The following FBXL20 variants were observed in gnomAD, a reference collection of about 807,000 sequenced individuals.
The protein encoded by FBXL20 is F-box/LRR-repeat protein 20.
A neutral mutation model predicts 64.0 loss-of-function variants in FBXL20; 11 were observed. That is an observed-to-expected ratio of 0.17 (90% confidence interval 0.11 to 0.28). FBXL20 has a LOEUF of 0.28. FBXL20 is among the 10% of genes least tolerant of loss of function. The pLI is 1.00. For synonymous variants in FBXL20, 184 were observed against 189.0 expected (o/e 0.97, Z 0.22); for missense variants, 303 against 526.2 (o/e 0.58, Z 4.15).
intron 6 of FBXL20, among the ~76,000 whole-genome samples, chr17:39,296,559 CAAAAAAA>C (rs60002793): frequency 9.7e-5 from 6 of 62,164 alleles, no homozygotes; most frequent in East Asian, 5.5e-4. Flanking sequence ...GACTCTGTCT[CAAAAAAA>C]AAAAAAAAAA....
chr17:39,307,279 A>T (rs1163312075), intron 2 of FBXL20, among the ~76,000 whole-genome samples: 1 of 144,122 alleles, frequency 6.9e-6, no homozygotes, highest in African/African-American at 2.8e-5. Context: ...GAAAATTTCA[A>T]TTAGTGATGA....
intron 1 of FBXL20, among the ~76,000 whole-genome samples, chr17:39,365,998 T>A (rs575338320): frequency 4.2e-4 from 62 of 146,872 alleles, no homozygotes; most frequent in South Asian, 1.1e-3. Flanking sequence ...TTTAAAAAAA[T>A]TTTTTTTTTT....
chr17:39,384,497 C>G (rs2048058180), intron 1 of FBXL20, among the ~76,000 whole-genome samples: 1 of 149,312 alleles, frequency 6.7e-6, no homozygotes, highest in Non-Finnish European at 1.5e-5. Context: ...TGCACTCCAC[C>G]CTGGAGGCAG....
At chr17:39,323,070 C>T (rs1043582104) in intron 2 of FBXL20, among the ~76,000 whole-genome samples, 18 of 151,846 alleles carry the variant, frequency 1.2e-4, no homozygotes, top group East Asian at 1.9e-4. Context: ...CCAGGGTTCA[C>T]GCCATTCTCC....
chr17:39,262,570 C>T (rs981341636), intron 14 of FBXL20, among the ~76,000 whole-genome samples: 3 of 152,112 alleles, frequency 2.0e-5, no homozygotes, highest in African/African-American at 4.8e-5. Context: ...CGTGAGCCAC[C>T]GCGACTGGCC....
At chr17:39,347,434 T>C (rs1219683282) in intron 1 of FBXL20, among the ~76,000 whole-genome samples, 2 of 152,224 alleles carry the variant, frequency 1.3e-5, no homozygotes, top group African/African-American at 4.8e-5. Flanking sequence ...ATTTCTCTGA[T>C]GGCCAGTGAT....
rs1357815189 is a variant in FBXL20 at position 39,260,444 on chromosome 17, C to T, written c.*1016G>A. On this transcript the variant is annotated 3_prime_UTR_variant, in exon 15 of 15. Coordinates refer to ENST00000264658, the MANE Select transcript of FBXL20 (RefSeq NM_032875.3). ...TAGGGGGAATATTGGGGATACCATGCGAATTATCACATATCAGAAGATAAA... is the reference window on the plus strand; with the variant it reads ...TAGGGGGAATATTGGGGATACCATGTGAATTATCACATATCAGAAGATAAA... 5.9e-5 allele frequency: 9 copies of T among 152,096 alleles called. No homozygotes were observed. The East Asian group carries it at 1.2e-3, about 20-fold the overall frequency. The allele number at this position is 152,096 out of a possible 1,614,324, so 9.4% of individuals were successfully genotyped here. A position where few individuals can be genotyped will look rare whatever the true frequency, so the allele number is the denominator to read the frequency against.
chr17:39,358,738 A>G (rs1199047904), intron 1 of FBXL20, among the ~76,000 whole-genome samples: 1 of 152,088 alleles, frequency 6.6e-6, no homozygotes, highest in Non-Finnish European at 1.5e-5. Flanking sequence ...AGTAGAAACA[A>G]TAACAACACT....
chr17:39,265,514 T>C (rs2061338), intron 12 of FBXL20, 61 bp from the exon 13 acceptor site: 909,416 of 1,242,380 alleles, frequency 0.73, 342,129 homozygotes, highest in South Asian at 0.89. Flanking sequence ...GAGTCATACC[T>C]GATTCTTTTT....
chr17:39,378,694 CT>C (rs2047993742), intron 1 of FBXL20, among the ~76,000 whole-genome samples: 1 of 151,736 alleles, frequency 6.6e-6, no homozygotes, highest in Admixed American at 6.6e-5. Flanking sequence ...ATTGCAACCT[CT>C]GTCTCTTGGG....
At chr17:39,361,119 C>G (rs1280261927) in intron 1 of FBXL20, among the ~76,000 whole-genome samples, 1 of 152,068 alleles carries the variant, frequency 6.6e-6, no homozygotes, top group African/African-American at 2.4e-5. Context: ...AAGGTTCAGT[C>G]AGGACAGCAA....
At chr17:39,340,129 G>A (rs1043585915) in intron 2 of FBXL20, among the ~76,000 whole-genome samples, 6 of 151,920 alleles carry the variant, frequency 3.9e-5, no homozygotes, top group South Asian at 2.1e-4. Context: ...ATGGAGTCTC[G>A]CTCTGTTGTG....
At chr17:39,268,158 C>T (rs548896292) in intron 12 of FBXL20, among the ~76,000 whole-genome samples, 1 of 152,140 alleles carries the variant, frequency 6.6e-6, no homozygotes, top group Admixed American at 6.6e-5. Context: ...TCAAAACCAG[C>T]CTGGCCAACA....
In FBXL20 at chr17:39,326,483, T is replaced by C. The variant is rs906412904; in HGVS notation, c.104+16697A>G. Among the ~76,000 whole-genome samples the C allele has an allele frequency of 3.3e-5, 5 of 151,922 alleles. No individual in the cohort carries two copies. The East Asian group carries it at 9.8e-4, about 30-fold the overall frequency. Reference sequence around the variant, plus strand: ...AAAAAATACAAAAATTAGCTGGGTGTGGTGGCACCCACCTGTGATCCTAGC... The same window carrying C: ...AAAAAATACAAAAATTAGCTGGGTGCGGTGGCACCCACCTGTGATCCTAGC... On this transcript the variant is annotated intron_variant, in intron 2 of 14. Coordinates refer to ENST00000264658, the MANE Select transcript of FBXL20 (RefSeq NM_032875.3).
intron 1 of FBXL20, among the ~76,000 whole-genome samples, chr17:39,366,525 T>G (rs909009456): frequency 1.3e-5 from 2 of 152,194 alleles, no homozygotes; most frequent in African/African-American, 4.8e-5. Flanking sequence ...TCTCACTTGC[T>G]TTTTAAGGGA....
intron 1 of FBXL20, among the ~76,000 whole-genome samples, chr17:39,345,100 G>A (rs959549967): frequency 2.0e-5 from 3 of 152,146 alleles, no homozygotes; most frequent in African/African-American, 7.2e-5. Flanking sequence ...AGAGAAATAC[G>A]TTCCGTCGCT....
intron 3 of FBXL20, among the ~76,000 whole-genome samples, chr17:39,302,662 T>C (rs1394350951): frequency 1.3e-5 from 2 of 152,082 alleles, no homozygotes; most frequent in Admixed American, 1.3e-4. Flanking sequence ...CGTGAGCCAC[T>C]GCACGCAGCC....
chr17:39,299,776 C>G (rs1413871503), intron 4 of FBXL20, among the ~76,000 whole-genome samples: 2 of 151,350 alleles, frequency 1.3e-5, no homozygotes, highest in Admixed American at 1.3e-4. Flanking sequence ...AAGCGAGACT[C>G]TGTCTCAAAA....
At chr17:39,344,631 C>CAA (rs71147320) in intron 1 of FBXL20, among the ~76,000 whole-genome samples, 1 of 151,176 alleles carries the variant, frequency 6.6e-6, no homozygotes, top group Non-Finnish European at 1.5e-5. Context: ...ACTAAAAATA[C>CAA]AAAAAAAAGT....
Sources: allele counts gnomAD v4.1 joint callset (sites outside exome capture counted in the v4.1 genomes callset), GRCh38; gene constraint gnomAD v4.1.1; transcripts MANE v1.5; gene names NCBI Gene and HGNC (gene_info 2026-07-23, HGNC 2026-07-21).